Variants in TENM3 observed in about 807,000 individuals in gnomAD.
TENM3 encodes the protein teneurin transmembrane protein 3, also known as teneurin-3.
Under a neutral mutation model 255.1 loss-of-function variants are expected in TENM3, and 63 were observed. That is an observed-to-expected ratio of 0.25 (90% CI 0.20 to 0.30). TENM3 has a LOEUF of 0.30. Ranked by LOEUF, TENM3 falls within the 10% of genes least tolerant of loss-of-function variation. The probability of loss-of-function intolerance (pLI) is 1.00; values close to 1 mark genes in which losing one functional copy is unlikely to be tolerated. For missense variants in TENM3, 2,929 were observed against 3,461.1 expected (o/e 0.85, Z 3.86); for synonymous variants, 1,306 against 1,322.3 (o/e 0.99, Z 0.27).
chr4:182,772,308 G>A (rs112855390), intron 22 of TENM3, among the ~76,000 whole-genome samples: 36 of 152,192 alleles, frequency 2.4e-4, no homozygotes, highest in African/African-American at 7.5e-4. Flanking sequence ...GTGTGGCCCC[G>A]TGTTTTCACC....
chr4:182,346,734 C>A lies in TENM3; in HGVS notation c.316C>A (p.Pro106Thr), dbSNP rs778304373. The change falls in exon 3 of 28, where the codon CCT (proline) becomes ACT (threonine). Residue 106 changes from proline (P) to threonine (T), a missense_variant. Pro to Thr is a conservative substitution (Grantham distance 38). Around this residue, in one of 6 missense-constraint regions of TENM3, gnomAD observed 283 missense variants for 256.9 expected, o/e 1.10. Transcript: ENST00000511685. ...GLAFCAEMGL[P>T]HRGYSISAGS... Reference sequence around the variant, plus strand: ...GGCATTTTGTGCGGAAATGGGGCTCCCTCACAGAGGTTACTCTATCAGTGC... The same window carrying A: ...GGCATTTTGTGCGGAAATGGGGCTCACTCACAGAGGTTACTCTATCAGTGC... 6 of 1,613,578 alleles carry A rather than the reference C, an allele frequency of 3.7e-6. No homozygotes were observed. In the Admixed American group the frequency reaches 1.0e-4, roughly 27 times the overall value.
the TENM3 span, among the ~76,000 whole-genome samples, chr4:181,551,858 G>A: frequency 2.1e-4 from 9 of 42,456 alleles, no homozygotes; most frequent in Non-Finnish European, 6.6e-4. Context: ...GTGTGTGTGT[G>A]TGTGTGTGTG....
Position 182,243,416 on chromosome 4 carries a change from T to C in TENM3, c.-136T>C, listed in dbSNP as rs1757412250. On this transcript the variant is annotated 5_prime_UTR_variant, in exon 1 of 28. The change abolishes an upstream ATG in the 5' untranslated region. Coordinates refer to ENST00000511685, the MANE Select transcript of TENM3 (RefSeq NM_001080477.4). ...AGGCATGAGCCATCGCACCTGGCCATGAAGGCTTTTAGATGGGTCTGGAGC... is the reference window on the plus strand; with the variant it reads ...AGGCATGAGCCATCGCACCTGGCCACGAAGGCTTTTAGATGGGTCTGGAGC... 2 of 152,510 alleles carry C rather than the reference T, an allele frequency of 1.3e-5. No individual in the cohort carries two copies. Among genetic ancestry groups the C allele is most frequent in the Admixed American group, 6.5e-5 (1 of 15,286 alleles). The allele number at this position is 152,510 out of a possible 1,614,324, so 9.4% of individuals were successfully genotyped here. A position where few individuals can be genotyped will look rare whatever the true frequency, so the allele number is the denominator to read the frequency against.
chr4:181,767,572 G>A, the TENM3 span, among the ~76,000 whole-genome samples: 3 of 152,024 alleles, frequency 2.0e-5, no homozygotes, highest in African/African-American at 7.2e-5. Flanking sequence ...TTTGAATGTG[G>A]AGGCTTCAGA....
At chr4:181,964,917 A>G in the TENM3 span, among the ~76,000 whole-genome samples, 7 of 152,164 alleles carry the variant, frequency 4.6e-5, no homozygotes, top group Non-Finnish European at 7.3e-5. Context: ...GAAAAAGTTC[A>G]ATGTGGTATC....
At chr4:182,242,878 A>T (rs1364432904), upstream of TENM3, among the ~76,000 whole-genome samples, 1 of 152,226 alleles carries the variant, frequency 6.6e-6, no homozygotes, top group Admixed American at 6.5e-5. Context: ...GGTAGTGCTT[A>T]TCAGAGATGG....
the TENM3 span, among the ~76,000 whole-genome samples, chr4:182,014,611 G>GACTAA: frequency 6.6e-6 from 1 of 151,880 alleles, no homozygotes; most frequent in Non-Finnish European, 1.5e-5. Flanking sequence ...CGGCACATTA[G>GACTAA]ATTTATTAAA....
chr4:182,021,840 ATC>A, the TENM3 span, among the ~76,000 whole-genome samples: 2 of 152,198 alleles, frequency 1.3e-5, no homozygotes, highest in African/African-American at 4.8e-5. Context: ...AAAAGCATGT[ATC>A]ACCTTTCTAA....
chr4:182,734,826 A>G (rs563329617), intron 16 of TENM3, among the ~76,000 whole-genome samples: 1 of 152,348 alleles, frequency 6.6e-6, no homozygotes, highest in South Asian at 2.1e-4. Context: ...AATCAAGTAC[A>G]ACACATGATA....
the TENM3 span, among the ~76,000 whole-genome samples, chr4:181,597,543 A>G: frequency 2.0e-5 from 3 of 152,100 alleles, no homozygotes; most frequent in African/African-American, 7.2e-5. Context: ...CTAAGGCTAT[A>G]TTTTAATCCC....
the TENM3 span, among the ~76,000 whole-genome samples, chr4:181,935,156 C>A: frequency 6.6e-6 from 1 of 152,106 alleles, no homozygotes; most frequent in African/African-American, 2.4e-5. Flanking sequence ...AAGTATAATT[C>A]AAAAGACAGT....
chr4:181,979,944 G>T, the TENM3 span, among the ~76,000 whole-genome samples: 1 of 152,170 alleles, frequency 6.6e-6, no homozygotes, highest in African/African-American at 2.4e-5. Context: ...AGGATGGAAG[G>T]TCCACTAGTT....
intron 3 of TENM3, among the ~76,000 whole-genome samples, chr4:182,592,838 A>G (rs1233852048): frequency 1.3e-5 from 2 of 152,234 alleles, no homozygotes; most frequent in African/African-American, 4.8e-5. Context: ...GAGACGAGAG[A>G]AAGTAAAGAT....
chr4:181,677,074 T>C, the TENM3 span, among the ~76,000 whole-genome samples: 1 of 151,784 alleles, frequency 6.6e-6, no homozygotes, highest in Admixed American at 6.6e-5. Flanking sequence ...ACTTGGCCCT[T>C]AAATATTGGG....
the TENM3 span, among the ~76,000 whole-genome samples, chr4:181,780,686 C>G: frequency 9.2e-5 from 14 of 152,218 alleles, no homozygotes; most frequent in East Asian, 2.5e-3. Flanking sequence ...GTTGCTTTTG[C>G]TGTTTTAGAC....
chr4:181,583,262 CA>C, the TENM3 span, among the ~76,000 whole-genome samples: 2 of 151,886 alleles, frequency 1.3e-5, no homozygotes, highest in African/African-American at 4.8e-5. Flanking sequence ...GGTATAATAT[CA>C]GAATATTCTA....
At chr4:182,244,876 A>G (rs1157433264) in intron 1 of TENM3, among the ~76,000 whole-genome samples, 1 of 152,208 alleles carries the variant, frequency 6.6e-6, no homozygotes, top group Admixed American at 6.5e-5. Flanking sequence ...TTTATTAGCT[A>G]TGCTTGATGT....
intron 4 of TENM3, among the ~76,000 whole-genome samples, chr4:182,616,230 A>T (rs939228337): frequency 2.0e-5 from 3 of 152,096 alleles, no homozygotes; most frequent in Non-Finnish European, 4.4e-5. Context: ...CGTGTAAAAG[A>T]TAGGTAACTG....
At chr4:181,888,516 G>GTATATA in the TENM3 span, among the ~76,000 whole-genome samples, 16 of 41,512 alleles carry the variant, frequency 3.9e-4, 1 homozygote, top group African/African-American at 1.5e-3. Flanking sequence ...ATATATATAT[G>GTATATA]TATATATATA....
Sources: gnomAD v4.1 joint callset for allele counts (sites outside exome capture counted in the v4.1 genomes callset) on GRCh38, gnomAD v4.1.1 for gene constraint, gnomAD v4.1.1 regional missense constraint, MANE v1.5 for transcripts, NCBI Gene and HGNC (gene_info 2026-07-23, HGNC 2026-07-21) for gene names.